The following FRMPD4 variants were observed in gnomAD, a reference collection of about 807,000 sequenced individuals.
The protein encoded by FRMPD4 is FERM and PDZ domain-containing protein 4.
In FRMPD4, 22 loss-of-function variants were observed where a neutral mutation model predicts 94.1. The ratio of observed to expected loss-of-function variants is 0.23; its 90% CI spans 0.17 to 0.33. The LOEUF (loss-of-function observed/expected upper bound fraction) is 0.33, where lower values mean the gene tolerates loss of function less well. Among genes scored for constraint, FRMPD4 ranks in the 10% least tolerant of loss-of-function variants. The pLI is 1.00. For missense variants in FRMPD4, 1,111 were observed against 1,339.9 expected (o/e 0.83, Z 2.67); for synonymous variants, 631 against 548.6 (o/e 1.15, Z -2.10).
intron 4 of FRMPD4, among the ~76,000 whole-genome samples, chrX:12,632,652 C>T (rs2059406352): frequency 9.0e-6 from 1 of 111,184 alleles, no homozygotes; most frequent in African/African-American, 3.3e-5. Flanking sequence ...GAGGCAAGTC[C>T]TTATCCCTGT....
intron 1 of FRMPD4, among the ~76,000 whole-genome samples, chrX:12,309,092 T>G (rs949135539): frequency 8.9e-6 from 1 of 112,562 alleles, no homozygotes; most frequent in South Asian, 3.7e-4. Context: ...TACTCAACTC[T>G]GCTGTTATTG....
At chrX:11,999,947 A>C (rs2054515834) in intron 3 of FRMPD4, among the ~76,000 whole-genome samples, 1 of 111,896 alleles carries the variant, frequency 8.9e-6, no homozygotes. Context: ...CACATCAAGC[A>C]CACCATGAAA....
chrX:12,413,164 G>A (rs2056756635), intron 1 of FRMPD4, among the ~76,000 whole-genome samples: 1 of 111,512 alleles, frequency 9.0e-6, no homozygotes, highest in African/African-American at 3.3e-5. Context: ...GCTTTTGTCT[G>A]GGAGCACTTT....
intron 3 of FRMPD4, among the ~76,000 whole-genome samples, chrX:12,011,196 T>G (rs768881196): frequency 1.6e-4 from 18 of 112,334 alleles, no homozygotes; most frequent in Non-Finnish European, 3.4e-4. Flanking sequence ...TCTAAGGATG[T>G]TCTGCAACTT....
At chrX:12,337,971 C>A (rs1452345384) in intron 1 of FRMPD4, among the ~76,000 whole-genome samples, 1 of 112,092 alleles carries the variant, frequency 8.9e-6, no homozygotes, top group African/African-American at 3.2e-5. Context: ...AAAGTGCCAA[C>A]AGACTGGGTG....
At position 12,522,594 on chromosome X, in the gene FRMPD4, CTTTTTTTT is replaced by C. The variant is rs373581040; in HGVS notation, c.158+23812_158+23819del. On this transcript the variant is annotated intron_variant, in intron 2 of 16. Transcript: ENST00000675598. ...TTTAATGGCAATTGATTTTCTTTTC[CTTTTTTTT>C]TTTTTTTTTTTTTCTTTTGAGACAG... Among the ~76,000 whole-genome samples the C allele has an allele frequency of 5.4e-3, 405 of 74,523 alleles. 2 individuals carry two copies. The highest frequency in any genetic ancestry group is 0.022 in the African/African-American group (375 of 17,152). 64.7% of individuals were successfully genotyped at this position (74,523 alleles called of 115,157 possible).
intron 1 of FRMPD4, among the ~76,000 whole-genome samples, chrX:12,397,116 C>T (rs908296586): frequency 2.7e-5 from 3 of 110,840 alleles, no homozygotes; most frequent in Non-Finnish European, 5.7e-5. Flanking sequence ...TCTCTTGGTC[C>T]TTCACCCTGA....
intron 1 of FRMPD4, among the ~76,000 whole-genome samples, chrX:12,339,981 C>T (rs1287330592): frequency 8.9e-6 from 1 of 112,264 alleles, no homozygotes; most frequent in Non-Finnish European, 1.9e-5. Flanking sequence ...GGGATTTTCC[C>T]TCTACTCATT....
At chrX:12,669,363 C>T (rs370351913) in intron 4 of FRMPD4, among the ~76,000 whole-genome samples, 7 of 111,876 alleles carry the variant, frequency 6.3e-5, no homozygotes, top group African/African-American at 2.3e-4. Context: ...TATGGGACCC[C>T]AGCCCTGGCC....
intron 1 of FRMPD4, among the ~76,000 whole-genome samples, chrX:12,281,638 G>A (rs1382068397): frequency 9.0e-6 from 1 of 111,661 alleles, no homozygotes; most frequent in Non-Finnish European, 1.9e-5. Context: ...GCCTCCCAAA[G>A]TGCTGAGATT....
intron 2 of FRMPD4, among the ~76,000 whole-genome samples, chrX:12,560,735 C>A: frequency 1.1e-5 from 1 of 93,972 alleles, no homozygotes; most frequent in East Asian, 3.2e-4. Context: ...TATGCACCTC[C>A]CCTCATCTTT....
chrX:12,326,097 C>T (rs774662168), intron 1 of FRMPD4, among the ~76,000 whole-genome samples: 2 of 112,222 alleles, frequency 1.8e-5, no homozygotes, highest in East Asian at 2.8e-4. Context: ...TGGCTATGGG[C>T]ACTTCTACAT....
chrX:12,703,294 A>G (rs1277231334), intron 10 of FRMPD4, among the ~76,000 whole-genome samples: 2 of 112,670 alleles, frequency 1.8e-5, no homozygotes, highest in African/African-American at 6.4e-5. Context: ...AACAAGATAT[A>G]AAGATAGGAA....
chrX:12,656,624 T>C (rs1361762967), intron 4 of FRMPD4, among the ~76,000 whole-genome samples: 3 of 112,383 alleles, frequency 2.7e-5, no homozygotes, highest in East Asian at 2.8e-4. Context: ...TACTTTACAA[T>C]TGTATTCATA....
intron 1 of FRMPD4, among the ~76,000 whole-genome samples, chrX:12,394,081 A>G (rs1024580761): frequency 4.5e-5 from 5 of 112,004 alleles, no homozygotes; most frequent in African/African-American, 1.6e-4. Flanking sequence ...TATGTGTGAT[A>G]TAAGTTATAT....
rs182413934 is a variant in FRMPD4 at position 12,008,120 on chromosome X, C to T, written c.95+130102C>T. Reference sequence around the variant, plus strand: ...TGCTAAATCATTACTGTGGCTAGTACTACTGCTCCTTTTACTTGCTGACAT... The same window carrying T: ...TGCTAAATCATTACTGTGGCTAGTATTACTGCTCCTTTTACTTGCTGACAT... On this transcript the variant is annotated intron_variant, in intron 3 of 18. Coordinates refer to the FRMPD4 transcript ENST00000640291. Among the ~76,000 whole-genome samples the T allele has an allele frequency of 5.5e-3, 617 of 112,379 alleles. 3 individuals carry two copies. The highest frequency in any genetic ancestry group is 0.019 in the African/African-American group (595 of 30,962).
chrX:12,677,392 A>C (rs1383186971), intron 5 of FRMPD4, among the ~76,000 whole-genome samples: 6 of 110,711 alleles, frequency 5.4e-5, no homozygotes, highest in African/African-American at 2.0e-4. Flanking sequence ...AGACATGGAG[A>C]GGAGAGCAGA....
chrX:12,269,854 A>G (rs1258981928), intron 1 of FRMPD4, among the ~76,000 whole-genome samples: 2 of 112,392 alleles, frequency 1.8e-5, no homozygotes, highest in African/African-American at 3.2e-5. Context: ...AGATTCTCCA[A>G]CTTTGTGCCA....
At chrX:12,476,136 A>T (rs944678909) in intron 1 of FRMPD4, among the ~76,000 whole-genome samples, 1 of 111,578 alleles carries the variant, frequency 9.0e-6, no homozygotes, top group African/African-American at 3.3e-5. Context: ...ATGGAACAGA[A>T]CAGAGCCCTC....
Sources: allele counts gnomAD v4.1 joint callset (sites outside exome capture counted in the v4.1 genomes callset), GRCh38; gene constraint gnomAD v4.1.1; transcripts MANE v1.5; gene names NCBI Gene and HGNC (gene_info 2026-07-23, HGNC 2026-07-21).